Variants in ZC3H14 observed in about 807,000 individuals in gnomAD.
ZC3H14 encodes zinc finger CCCH domain-containing protein 14.
Under a neutral mutation model 92.4 loss-of-function variants are expected in ZC3H14, and 31 were observed. The observed-to-expected ratio is 0.34, with a 90% CI of 0.25 to 0.45. ZC3H14 has a LOEUF of 0.45. Ranked by LOEUF, ZC3H14 falls within the 20% of genes least tolerant of loss-of-function variation. The pLI is 1.00. For synonymous variants in ZC3H14, 321 were observed against 300.9 expected, an observed-to-expected ratio of 1.07 and a Z score of -0.69; for missense variants, 781 against 897.3, an observed-to-expected ratio of 0.87 and a Z score of 1.66.
chr14:88,564,409 T>C (rs1309490330), intron 2 of ZC3H14, among the ~76,000 whole-genome samples: 1 of 152,224 alleles, frequency 6.6e-6, no homozygotes, highest in Admixed American at 6.5e-5. Context: ...TCTTTGACTG[T>C]GTAAACAAGG....
At chr14:88,605,227 AC>A (rs2085201917) in intron 12 of ZC3H14, among the ~76,000 whole-genome samples, 1 of 152,194 alleles carries the variant, frequency 6.6e-6, no homozygotes, top group African/African-American at 2.4e-5. Flanking sequence ...AGACACATTT[AC>A]TTTGCGGGGA....
chr14:88,610,937 C>A lies in ZC3H14; in HGVS notation c.2201C>A (p.Thr734Asn). Residue 734 changes from threonine (T) to asparagine (N), a missense_variant, in exon 16 of 17, where the codon ACC (threonine) becomes AAC (asparagine). By Grantham distance (65) the Thr-to-Asn change is moderately conservative. Coordinates refer to ENST00000251038, the MANE Select transcript of ZC3H14 (RefSeq NM_024824.5). Reference sequence around the variant, plus strand: ...GCCTTGAAATGGATTCGACCTCAAACCAGGTAAACATTCAAATTCGTTTTT... The same window carrying A: ...GCCTTGAAATGGATTCGACCTCAAAACAGGTAAACATTCAAATTCGTTTTT... ...RHALKWIRPQ[T>N]SE The A allele has an allele frequency of 6.2e-7, 1 of 1,613,666 alleles. No individual in the cohort carries two copies. Among genetic ancestry groups the A allele is most frequent in the Non-Finnish European group, 8.5e-7 (1 of 1,179,632 alleles).
At position 88,563,495 on chromosome 14, in the gene ZC3H14, G is replaced by A. The variant is rs2079143737; in HGVS notation, c.37-156G>A. ...GCTGGGGCTGGAGCTGGAGTGGGGTGCGGGGTGGGGGGCGGTGCAGGCGAG... is the reference window on the plus strand; with the variant it reads ...GCTGGGGCTGGAGCTGGAGTGGGGTACGGGGTGGGGGGCGGTGCAGGCGAG... On this transcript the variant is annotated intron_variant, in intron 1 of 16. Coordinates refer to ENST00000251038, the MANE Select transcript of ZC3H14 (RefSeq NM_024824.5). The A allele has an allele frequency of 2.7e-6, 4 of 1,497,592 alleles. No individual in the cohort carries two copies. In the African/African-American group the frequency reaches 5.5e-5, roughly 21 times the overall value. 92.8% of individuals were successfully genotyped at this position (1,497,592 alleles called of 1,614,324 possible).
chr14:88,602,124 T>G (rs1227583169), intron 11 of ZC3H14, 41 bp downstream of exon 11: 2 of 1,612,170 alleles, frequency 1.2e-6, no homozygotes, highest in African/African-American at 1.3e-5. Flanking sequence ...TTTGTGTGAT[T>G]AGATAGTAAA....
In ZC3H14 at chr14:88,616,140, A is replaced by C; in HGVS notation, c.*4389A>C. On this transcript the variant is annotated 3_prime_UTR_variant, in exon 17 of 17. Coordinates refer to ENST00000251038, the MANE Select transcript of ZC3H14 (RefSeq NM_024824.5). ...TCTTCATGGGCTGAGAAAGTTACTA[A>C]CCTGCAGTCATCACCTCCAGCACTA... 1 of 1,613,684 alleles carries C rather than the reference A, an allele frequency of 6.2e-7. No homozygotes were observed. The highest frequency in any genetic ancestry group is 8.5e-7 in the Non-Finnish European group (1 of 1,179,648).
chr14:88,623,716 G>A lies in ZC3H14; in HGVS notation c.*11965G>A, dbSNP rs2089470688. The A allele has an allele frequency of 6.6e-6, 1 of 152,226 alleles. No individual in the cohort carries two copies. Among genetic ancestry groups the A allele is most frequent in the African/African-American group, 2.4e-5 (1 of 41,444 alleles). The allele number at this position is 152,226 out of a possible 1,614,324, so 9.4% of individuals were successfully genotyped here. ...CGTGAGCCACTGCAACTGGCCCAGA[G>A]CTTATTTTTGAAGGCCAAAACAGAA... On this transcript the variant is annotated 3_prime_UTR_variant, in exon 17 of 17. Transcript: ENST00000251038.
In ZC3H14 at chr14:88,626,826, TAA is replaced by T; in HGVS notation, c.*15076_*15077del. ...AGTCAAAGTCACACTATGTGCATTT[TAA>T]GAGACATACTGCACCAAATGCAATA... On this transcript the variant is annotated 3_prime_UTR_variant, in exon 17 of 17. Transcript: ENST00000251038. The T allele has an allele frequency of 6.2e-7, 1 of 1,613,382 alleles. No homozygotes were observed. Among genetic ancestry groups the T allele is most frequent in the Non-Finnish European group, 8.5e-7 (1 of 1,179,610 alleles).
In ZC3H14 at chr14:88,627,386, T is replaced by G. The variant is rs2140420507; in HGVS notation, c.*15635T>G. On this transcript the variant is annotated 3_prime_UTR_variant, in exon 17 of 17. Transcript: ENST00000251038. ...CAAATCATTAATAATAAATACATAG[T>G]TTCTTGCTGGAAGAAAATAGCAGTG... The G allele has an allele frequency of 2.1e-6, 1 of 480,902 alleles. No homozygotes were observed. Among genetic ancestry groups the G allele is most frequent in the Non-Finnish European group, 3.7e-6 (1 of 273,586 alleles). The allele number at this position is 480,902 out of a possible 1,614,324, so 29.8% of individuals were successfully genotyped here. A position where few individuals can be genotyped will look rare whatever the true frequency, so the allele number is the denominator to read the frequency against.
rs1397265086 is a variant in ZC3H14, at chr14:88,563,118, C to T, written c.-16C>T. 5 of 1,586,790 alleles carry T rather than the reference C, an allele frequency of 3.2e-6. No homozygotes were observed. Among genetic ancestry groups the T allele is most frequent in the Non-Finnish European group, 3.4e-6 (4 of 1,171,098 alleles). ...CAAGCGCCGCGCAGTGCTGAGTTCCCGCACGCCGCAGAGCCATGGAGATCG... is the reference window on the plus strand; with the variant it reads ...CAAGCGCCGCGCAGTGCTGAGTTCCTGCACGCCGCAGAGCCATGGAGATCG... On this transcript the variant is annotated 5_prime_UTR_variant, in exon 1 of 17. Coordinates refer to ENST00000251038, the MANE Select transcript of ZC3H14 (RefSeq NM_024824.5).
At chr14:88,579,033 C>A (rs2139708481) in intron 9 of ZC3H14, among the ~76,000 whole-genome samples, 1 of 152,060 alleles carries the variant, frequency 6.6e-6, no homozygotes, top group Admixed American at 6.6e-5. Context: ...AAGAAGGATT[C>A]TTTTTTCTTC....
intron 9 of ZC3H14, among the ~76,000 whole-genome samples, chr14:88,587,663 T>C (rs1048565479): frequency 6.6e-6 from 1 of 152,182 alleles, no homozygotes; most frequent in Non-Finnish European, 1.5e-5. Context: ...CTATTTAGTC[T>C]GGGCATGGTT....
At position 88,610,960 on chromosome 14, in the gene ZC3H14, T is replaced by C. The variant is rs779781947; in HGVS notation, c.2204+20T>C. The C allele has an allele frequency of 1.9e-6, 3 of 1,564,766 alleles. No homozygotes were observed. Among genetic ancestry groups the C allele is most frequent in the East Asian group, 4.5e-5 (2 of 44,848 alleles). Reference sequence around the variant, plus strand: ...AACCAGGTAAACATTCAAATTCGTTTTTCTCATGTCAGTTCAAATTCTTTT... The same window carrying C: ...AACCAGGTAAACATTCAAATTCGTTCTTCTCATGTCAGTTCAAATTCTTTT... On this transcript the variant is annotated intron_variant, in intron 16 of 16. Coordinates refer to ENST00000251038, the MANE Select transcript of ZC3H14 (RefSeq NM_024824.5).
rs1595170725 is a variant in ZC3H14 at position 88,615,475 on chromosome 14, T to A, written c.*3724T>A. ...AAAAGATAATGAAAATTATCCAAAT[T>A]GGGTTTTTGAGTTCTTCTGTAAAGA... is the stretch of plus-strand genomic sequence containing the variant. On this transcript the variant is annotated 3_prime_UTR_variant, in exon 17 of 17. Transcript: ENST00000251038. The A allele has an allele frequency of 1.3e-5, 3 of 232,154 alleles. No homozygotes were observed. In the East Asian group the frequency reaches 2.5e-4, roughly 20 times the overall value. 14.4% of individuals were successfully genotyped at this position (232,154 alleles called of 1,614,324 possible). A position where few individuals can be genotyped will look rare whatever the true frequency, so the allele number is the denominator to read the frequency against.
chr14:88,582,257 T>C (rs957479315), intron 9 of ZC3H14, among the ~76,000 whole-genome samples: 11 of 152,216 alleles, frequency 7.2e-5, no homozygotes, highest in Admixed American at 7.2e-4. Flanking sequence ...AACAGAACTT[T>C]TGTCTTGCCA....
chr14:88,572,166 T>C lies in ZC3H14; in HGVS notation c.372T>C (p.Pro124=). ...VPPLAIPSAR[P]EKRDSRVSTS... The stretch of plus-strand genomic sequence containing the variant: ...CACTTGCCATTCCTAGCGCGAGACC[T>C]GAAAAAAGAGATTCCAGAGTTTCTA... Residue 124 remains proline (P), a synonymous_variant, in exon 5 of 17, where the codon CCT becomes CCC. Transcript: ENST00000251038. The C allele has an allele frequency of 6.2e-7, 1 of 1,613,996 alleles. No homozygotes were observed. The highest frequency in any genetic ancestry group is 8.5e-7 in the Non-Finnish European group (1 of 1,179,978).
intron 9 of ZC3H14, among the ~76,000 whole-genome samples, chr14:88,595,533 G>A (rs1352948733): frequency 6.6e-6 from 1 of 152,164 alleles, no homozygotes; most frequent in Non-Finnish European, 1.5e-5. Context: ...CTTCCCACAG[G>A]AATGCAACTT....
chr14:88,600,682 G>A (rs955635318), intron 10 of ZC3H14, among the ~76,000 whole-genome samples: 1 of 152,002 alleles, frequency 6.6e-6, no homozygotes, highest in African/African-American at 2.4e-5. Flanking sequence ...AAACTCCTGG[G>A]CTTATGGAAT....
In ZC3H14 at chr14:88,612,346, C is replaced by T. The variant is rs1566994898; in HGVS notation, c.*595C>T. 1.9e-5 allele frequency: 3 copies of T among 155,860 alleles called. No homozygotes were observed. The allele number at this position is 155,860 out of a possible 1,614,324, so 9.7% of individuals were successfully genotyped here. On this transcript the variant is annotated 3_prime_UTR_variant, in exon 17 of 17. Coordinates refer to ENST00000251038, the MANE Select transcript of ZC3H14 (RefSeq NM_024824.5). ...TACTTTGGTAAAGTTCCCAGTTTTC[C>T]TGCCTTCTGTGACAGGATGAATGAG... is the stretch of plus-strand genomic sequence containing the variant.
rs1468957693 is a variant in ZC3H14, at chr14:88,618,831, TAA to T, written c.*7084_*7085del. 7 of 1,553,522 alleles carry T rather than the reference TAA, an allele frequency of 4.5e-6. No homozygotes were observed. The East Asian group carries it at 1.7e-4, about 37-fold the overall frequency. ...ACTAAATCTGAATCAAAACAAAACGTAAAAAGTATTAGACCACATGAAGTATT... is the reference window on the plus strand; with the variant it reads ...ACTAAATCTGAATCAAAACAAAACGTAAAGTATTAGACCACATGAAGTATT... On this transcript the variant is annotated 3_prime_UTR_variant, in exon 17 of 17. Transcript: ENST00000251038.
Sources: gnomAD v4.1 joint callset for allele counts (sites outside exome capture counted in the v4.1 genomes callset) on GRCh38, gnomAD v4.1.1 for gene constraint, MANE v1.5 for transcripts, NCBI Gene and HGNC (gene_info 2026-07-23, HGNC 2026-07-21) for gene names.